MYH7: variants seen among roughly 807,000 people sequenced by gnomAD.
MYH7 encodes the protein myosin-7.
In MYH7, 129 loss-of-function variants were observed where a neutral mutation model predicts 225.4. The ratio of observed to expected loss-of-function variants is 0.57; its 90% CI spans 0.50 to 0.66. The LOEUF is 0.66. MYH7 is among the 30% of genes least tolerant of loss of function. The pLI, the probability that MYH7 is intolerant of heterozygous loss-of-function variation, is 0.00. For missense variants in MYH7, 1,649 were observed against 2,517.0 expected, an observed-to-expected ratio of 0.66 and a Z score of 7.38; for synonymous variants, 971 against 1,007.6, an observed-to-expected ratio of 0.96 and a Z score of 0.69.
intron 13 of MYH7, 33 bp from the exon 14 acceptor site, chr14:23,429,137 G>C (rs1399503281): frequency 6.2e-7 from 1 of 1,614,160 alleles, no homozygotes; most frequent in Admixed American, 1.7e-5. Context: ...ATATTGAGCA[G>C]GGTTGTTGGG....
At position 23,415,785 on chromosome 14, in the gene MYH7, C is replaced by T. The variant is rs1892175008; in HGVS notation, c.5001G>A (p.Leu1667=). The part of the protein sequence containing the change: ...LDDAVRANDD[L]KENIAIVERR... Reference sequence around the variant, plus strand: ...GCTCCACGATGGCGATGTTCTCCTTCAGGTCGTCGTTGGCACGGACTGCAT... The same window carrying T: ...GCTCCACGATGGCGATGTTCTCCTTTAGGTCGTCGTTGGCACGGACTGCAT... The change falls in exon 35 of 40, where the codon CTG becomes CTA. Residue 1667 remains leucine (L), a synonymous_variant. Coordinates refer to ENST00000355349, the MANE Select transcript of MYH7 (RefSeq NM_000257.4). The surrounding 1 kb of genome is among the most constrained non-coding windows in gnomAD (Gnocchi z 6.3). The T allele has an allele frequency of 6.2e-7, 1 of 1,614,080 alleles. No individual in the cohort carries two copies. Among genetic ancestry groups the T allele is most frequent in the African/African-American group, 1.3e-5 (1 of 74,926 alleles).
Position 23,423,678 on chromosome 14 carries a change from C to A in MYH7, c.2968G>T (p.Ala990Ser). 2.5e-6 allele frequency: 4 copies of A among 1,614,080 alleles called. No individual in the cohort carries two copies. Among genetic ancestry groups the A allele is most frequent in the Non-Finnish European group, 2.5e-6 (3 of 1,180,004 alleles). Reference protein sequence around the residue: ...EEMAGLDEIIAKLTKEKKALQ... With the variant: ...EEMAGLDEIISKLTKEKKALQ... ...GCTTTCTTCTCCTTGGTCAGCTTGG[C>A]AATGATCTCATCCAGCCCAGCCATC... The change falls in exon 24 of 40, where the codon GCC becomes TCC. Residue 990 changes from alanine (A) to serine (S), a missense_variant. This residue lies in a region of MYH7 where 282 missense variants were observed against 315.3 expected (regional missense o/e 0.89). Transcript: ENST00000355349.
At position 23,425,073 on chromosome 14, in the gene MYH7, C is replaced by A. The variant is rs780416033; in HGVS notation, c.2424-49G>T. 2.5e-6 allele frequency: 4 copies of A among 1,613,784 alleles called. No homozygotes were observed. Among genetic ancestry groups the A allele is most frequent in the Non-Finnish European group, 3.4e-6 (4 of 1,179,956 alleles). ...TGCTGAGCCTCCTGCCTCCTTCCTACCTGAGGTCCTGAAACCTTGGGAATA... is the reference window on the plus strand; with the variant it reads ...TGCTGAGCCTCCTGCCTCCTTCCTAACTGAGGTCCTGAAACCTTGGGAATA... On this transcript the variant is annotated intron_variant, in intron 21 of 39. Coordinates refer to ENST00000355349, the MANE Select transcript of MYH7 (RefSeq NM_000257.4). This position sits in a 1 kb window ranked among gnomAD's most constrained non-coding sequence, Gnocchi z 4.6.
intron 15 of MYH7, 152 bp from the exon 16 acceptor site, chr14:23,428,046 C>T (rs1405347888): frequency 2.6e-5 from 27 of 1,029,054 alleles, no homozygotes; most frequent in Non-Finnish European, 1.7e-5. Context: ...TGACTGGAAC[C>T]GGTTCAAGGT....
chr14:23,435,270 A>G (rs1290060851), intron 1 of MYH7, among the ~76,000 whole-genome samples: 1 of 152,104 alleles, frequency 6.6e-6, no homozygotes, highest in Non-Finnish European at 1.5e-5. Context: ...CCTCGTTCAC[A>G]GACGTGATCA....
At position 23,424,046 on chromosome 14, in the gene MYH7, T is replaced by C. The variant is rs727504558; in HGVS notation, c.2783A>G (p.Asp928Gly). The change falls in exon 23 of 40, where the codon GAT becomes GGT. Residue 928 changes from aspartate (D) to glycine (G), a missense_variant. Asp to Gly is a moderately conservative substitution (Grantham distance 94). Around this residue, in one of 12 missense-constraint regions of MYH7, gnomAD observed 282 missense variants for 315.3 expected, o/e 0.89. Transcript: ENST00000355349. ...GAGCTCAGCATTCATCTCCTCCTCA[T>C]CCTCCAGCCTCTCGTTCATCTCCTT... is the stretch of plus-strand genomic sequence containing the variant. ...KVKEMNERLE[D>G]EEEMNAELTA... 1 of 1,614,246 alleles carries C rather than the reference T, an allele frequency of 6.2e-7. No individual in the cohort carries two copies. Among genetic ancestry groups the C allele is most frequent in the Non-Finnish European group, 8.5e-7 (1 of 1,180,042 alleles).
In MYH7 at chr14:23,433,457, C is replaced by T; in HGVS notation, c.201+75G>A. The T allele has an allele frequency of 6.5e-7, 1 of 1,541,378 alleles. No individual in the cohort carries two copies. The highest frequency in any genetic ancestry group is 8.9e-7 in the Non-Finnish European group (1 of 1,120,914). ...TCCTCAGGTCTGCATGGGCATGGGGCATGGGTGTACCCCTCTCTGTCCACC... is the reference window on the plus strand; with the variant it reads ...TCCTCAGGTCTGCATGGGCATGGGGTATGGGTGTACCCCTCTCTGTCCACC... On this transcript the variant is annotated intron_variant, in intron 3 of 39. Coordinates refer to ENST00000355349, the MANE Select transcript of MYH7 (RefSeq NM_000257.4). The surrounding 1 kb of genome is among the most constrained non-coding windows in gnomAD (Gnocchi z 4.1).
chr14:23,431,397 T>C, intron 9 of MYH7, 21 bp downstream of exon 9: 1 of 1,612,168 alleles, frequency 6.2e-7, no homozygotes, highest in East Asian at 2.2e-5. Context: ...AGGCTGAGCC[T>C]AGCAGATTCA....
chr14:23,425,191 T>G lies in MYH7; in HGVS notation c.2423+91A>C, dbSNP rs1226064215. The stretch of plus-strand genomic sequence containing the variant: ...GAGCCCCTCCTGCAGGTCTCTGTGT[T>G]TGAAGATCTGCTGAGCTTTTTTTCC... On this transcript the variant is annotated intron_variant, in intron 21 of 39. Transcript: ENST00000355349. The surrounding 1 kb of genome is among the most constrained non-coding windows in gnomAD (Gnocchi z 4.6). The G allele has an allele frequency of 4.4e-6, 7 of 1,608,392 alleles. No individual in the cohort carries two copies. The highest frequency in any genetic ancestry group is 6.0e-6 in the Non-Finnish European group (7 of 1,175,754).
chr14:23,415,870 C>G lies in MYH7; in HGVS notation c.4954-38G>C, dbSNP rs1566523558. ...AGAGTGGGCATGAGCAGGGAGCCAG[C>G]CTCGGTTCCCTTCACTAAAGGCACC... is the stretch of plus-strand genomic sequence containing the variant. On this transcript the variant is annotated intron_variant, in intron 34 of 39. Coordinates refer to ENST00000355349, the MANE Select transcript of MYH7 (RefSeq NM_000257.4). The surrounding 1 kb of genome is among the most constrained non-coding windows in gnomAD (Gnocchi z 6.3). The G allele has an allele frequency of 1.2e-6, 2 of 1,613,728 alleles. No homozygotes were observed. The highest frequency in any genetic ancestry group is 1.7e-6 in the Non-Finnish European group (2 of 1,179,728).
In MYH7 at chr14:23,419,532, A is replaced by G. The variant is rs1566527253; in HGVS notation, c.3804T>C (p.Arg1268=). 6.2e-7 allele frequency: 1 copy of G among 1,613,980 alleles called. No homozygotes were observed. The highest frequency in any genetic ancestry group is 8.5e-7 in the Non-Finnish European group (1 of 1,179,996). The change falls in exon 28 of 40, where the codon CGT becomes CGC. Residue 1268 remains arginine, a synonymous_variant. Transcript: ENST00000355349. ...EHRSKAEETQ[R]SVNDLTSQRA... is the part of the protein sequence containing the mutation. ...GCTGGCTGGTGAGGTCGTTGACAGA[A>G]CGCTGGGTCTCCTCCGCCTTGCTCC...
At position 23,433,371 on chromosome 14, in the gene MYH7, G is replaced by T; in HGVS notation, c.202-144C>A. ...CACAGGGAAGACAGAAGGGATATTGGGAAGGAGAGGGCTCTTTGGAGGGTC... is the reference window on the plus strand; with the variant it reads ...CACAGGGAAGACAGAAGGGATATTGTGAAGGAGAGGGCTCTTTGGAGGGTC... On this transcript the variant is annotated intron_variant, in intron 3 of 39. Coordinates refer to ENST00000355349, the MANE Select transcript of MYH7 (RefSeq NM_000257.4). This position sits in a 1 kb window ranked among gnomAD's most constrained non-coding sequence, Gnocchi z 4.1. 2 of 1,435,562 alleles carry T rather than the reference G, an allele frequency of 1.4e-6. No individual in the cohort carries two copies. Among genetic ancestry groups the T allele is most frequent in the Non-Finnish European group, 1.9e-6 (2 of 1,035,958 alleles). 88.9% of individuals were successfully genotyped at this position (1,435,562 alleles called of 1,614,324 possible). A position where few individuals can be genotyped will look rare whatever the true frequency, so the allele number is the denominator to read the frequency against.
intron 37 of MYH7, 147 bp downstream of exon 37, chr14:23,414,848 G>T: frequency 7.3e-7 from 1 of 1,378,566 alleles, no homozygotes; most frequent in Non-Finnish European, 1.0e-6. Context: ...GACATTCAGA[G>T]TGGGGCAGGG....
At position 23,427,145 on chromosome 14, in the gene MYH7, G is replaced by A. The variant is rs998403644; in HGVS notation, c.1956+95C>T. The A allele has an allele frequency of 1.6e-5, 20 of 1,254,560 alleles. No homozygotes were observed. The Admixed American group carries it at 2.0e-4, about 13-fold the overall frequency. The allele number at this position is 1,254,560 out of a possible 1,614,324, so 77.7% of individuals were successfully genotyped here. On this transcript the variant is annotated intron_variant, in intron 17 of 39. Transcript: ENST00000355349. ...CGAATGCACCAAGGAGACAGGGAAC[G>A]GGAGGAGTAGGGGATGAACAAGGCA...
At chr14:23,431,396 C>T (rs956268031) in intron 9 of MYH7, 22 bp downstream of exon 9, 1 of 1,612,306 alleles carries the variant, frequency 6.2e-7, no homozygotes. Context: ...TAGGCTGAGC[C>T]TAGCAGATTC....
At chr14:23,423,774 T>C in intron 23 of MYH7, 51 bp from the exon 24 acceptor site, 1 of 1,613,600 alleles carries the variant, frequency 6.2e-7, no homozygotes, top group Admixed American at 1.7e-5. Context: ...ACCAGCTTGG[T>C]GCCATCTGTG....
At chr14:23,417,117 G>A (rs1009342176) in intron 32 of MYH7, 36 bp downstream of exon 32, 8 of 1,614,008 alleles carry the variant, frequency 5.0e-6, no homozygotes, top group Admixed American at 1.7e-5. Context: ...CACTGCCAGT[G>A]CAGCCCCTCC....
At chr14:23,431,099 G>C (rs1464597849) in intron 9 of MYH7, 100 bp from the exon 10 acceptor site, 1 of 886,394 alleles carries the variant, frequency 1.1e-6, no homozygotes, top group Non-Finnish European at 1.9e-6. Context: ...AGAGGGAAGG[G>C]AAGAGCCAGA....
rs1300027119 is a variant in MYH7 at position 23,433,076 on chromosome 14, G to A, written c.345+8C>T. 3 of 1,614,098 alleles carry A rather than the reference G, an allele frequency of 1.9e-6. No homozygotes were observed. Among genetic ancestry groups the A allele is most frequent in the East Asian group, 4.5e-5 (2 of 44,884 alleles). On this transcript the variant is annotated splice_region_variant and intron_variant, in intron 4 of 39. Transcript: ENST00000355349. The surrounding 1 kb of genome is among the most constrained non-coding windows in gnomAD (Gnocchi z 4.1). ...AGATCCCAACGTAGGGCCAGGTGCAGCACTCACGTAGATCATCCAGGAGCC... is the reference window on the plus strand; with the variant it reads ...AGATCCCAACGTAGGGCCAGGTGCAACACTCACGTAGATCATCCAGGAGCC...
Sources: gnomAD v4.1 joint callset for allele counts (sites outside exome capture counted in the v4.1 genomes callset) on GRCh38, gnomAD v4.1.1 for gene constraint, gnomAD v4.1.1 regional missense constraint, Gnocchi (gnomAD v3.1) non-coding constraint, MANE v1.5 for transcripts, NCBI Gene and HGNC (gene_info 2026-07-23, HGNC 2026-07-21) for gene names.